LANCL3: variants seen among roughly 807,000 people sequenced by gnomAD.
The protein encoded by LANCL3 is LanC like family member 3.
In LANCL3, 19 loss-of-function variants were observed where a neutral mutation model predicts 26.5. That is an observed-to-expected ratio of 0.72 (90% CI 0.50 to 1.05). LANCL3 has a LOEUF of 1.05. Ranked by LOEUF, LANCL3 falls within the 50% of genes least tolerant of loss-of-function variation. LANCL3 has a pLI of 0.00. For synonymous variants in LANCL3, 160 were observed against 166.6 expected (o/e 0.96, Z 0.30); for missense variants, 318 against 362.7 (o/e 0.88, Z 1.00).
chrX:37,583,296 G>A (rs112301379), intron 1 of LANCL3, among the ~76,000 whole-genome samples: 11,790 of 111,537 alleles, frequency 0.11, 639 homozygotes, highest in African/African-American at 0.2. Flanking sequence ...ACTTGGCAAT[G>A]TGGGCTCTTT....
At chrX:37,640,165 G>A (rs2146765728) in intron 1 of LANCL3, among the ~76,000 whole-genome samples, 1 of 112,171 alleles carries the variant, frequency 8.9e-6, no homozygotes, top group East Asian at 2.8e-4. Flanking sequence ...GTTATATTAG[G>A]CTGTTTTCAC....
rs1419022016 is a variant in LANCL3, at chrX:37,664,635, G to A, written c.896-2647G>A. ...TACATGGGTAAATTGCATGTCACTG[G>A]GGTTTGGCGTACAAAGGATTTTGTC... On this transcript the variant is annotated intron_variant, in intron 3 of 4. Transcript: ENST00000378619. Among the ~76,000 whole-genome samples the A allele has an allele frequency of 2.7e-5, 3 of 111,308 alleles. No homozygotes were observed. The East Asian group carries it at 8.4e-4, about 31-fold the overall frequency.
At chrX:37,618,405 C>T (rs782034811) in intron 1 of LANCL3, among the ~76,000 whole-genome samples, 3 of 111,776 alleles carry the variant, frequency 2.7e-5, no homozygotes, top group African/African-American at 9.8e-5. Context: ...TCACTTCCTG[C>T]CCTTACAACC....
intron 1 of LANCL3, among the ~76,000 whole-genome samples, chrX:37,642,410 G>A (rs980657870): frequency 1.8e-4 from 20 of 111,417 alleles, no homozygotes; most frequent in Non-Finnish European, 2.8e-4. Context: ...TCCTGGTTGT[G>A]GTACAGATGC....
At chrX:37,593,350 T>C (rs1365761082) in intron 1 of LANCL3, among the ~76,000 whole-genome samples, 2 of 111,888 alleles carry the variant, frequency 1.8e-5, no homozygotes, top group Non-Finnish European at 3.8e-5. Flanking sequence ...AATGTGATAC[T>C]ATTATTTTGG....
chrX:37,670,612 G>A (rs12845520), intron 4 of LANCL3, among the ~76,000 whole-genome samples: 6,539 of 110,478 alleles, frequency 0.059, 202 homozygotes, highest in Non-Finnish European at 0.092. Flanking sequence ...TTTATAAACT[G>A]AATTTATATA....
intron 1 of LANCL3, among the ~76,000 whole-genome samples, chrX:37,633,805 C>T (rs192143200): frequency 5.4e-5 from 6 of 111,474 alleles, no homozygotes; most frequent in South Asian, 3.9e-4. Flanking sequence ...GTCTCAGAGG[C>T]GTACCCGGCC....
At chrX:37,572,571 A>G (rs1430328619) in intron 1 of LANCL3, 128 bp downstream of exon 1, 9 of 544,121 alleles carry the variant, frequency 1.7e-5, no homozygotes, top group Non-Finnish European at 2.1e-5. Flanking sequence ...GTGTGGTGCT[A>G]GCATTTCTTC....
intron 1 of LANCL3, among the ~76,000 whole-genome samples, chrX:37,597,736 C>T (rs1321493895): frequency 1.1e-5 from 1 of 88,226 alleles, no homozygotes; most frequent in African/African-American, 4.5e-5. Flanking sequence ...AAGCTGTTCT[C>T]GAACTTCTGG....
intron 1 of LANCL3, among the ~76,000 whole-genome samples, chrX:37,638,062 G>GAGAA (rs1161884999): frequency 9.0e-6 from 1 of 111,511 alleles, no homozygotes; most frequent in South Asian, 3.8e-4. Flanking sequence ...GAGAGAGAGA[G>GAGAA]AGAAAGAAAG....
chrX:37,667,219 G>A (rs1926565466), intron 3 of LANCL3, 63 bp from the exon 4 acceptor site: 1 of 692,920 alleles, frequency 1.4e-6, no homozygotes, highest in Middle Eastern at 3.6e-4. Flanking sequence ...TATTGTTCTG[G>A]AAGTTCTGCT....
At chrX:37,607,370 T>C (rs1924746483) in intron 1 of LANCL3, among the ~76,000 whole-genome samples, 1 of 112,081 alleles carries the variant, frequency 8.9e-6, no homozygotes, top group Admixed American at 9.5e-5. Flanking sequence ...TGTGTCAGGA[T>C]TTCATCCAAT....
intron 1 of LANCL3, among the ~76,000 whole-genome samples, chrX:37,633,561 T>C (rs1316677944): frequency 5.4e-5 from 6 of 111,213 alleles, no homozygotes; most frequent in Non-Finnish European, 1.1e-4. Context: ...TTTGTGGTTT[T>C]ATCTACTTTT....
intron 1 of LANCL3, among the ~76,000 whole-genome samples, chrX:37,585,403 T>G (rs28821202): frequency 2.7e-5 from 3 of 111,420 alleles, no homozygotes; most frequent in Non-Finnish European, 3.8e-5. Context: ...GGGTGTTAAA[T>G]TCTCCCATTA....
intron 1 of LANCL3, among the ~76,000 whole-genome samples, chrX:37,578,331 C>A (rs781969730): frequency 8.9e-6 from 1 of 111,827 alleles, no homozygotes; most frequent in African/African-American, 3.3e-5. Flanking sequence ...GGTACCGACA[C>A]GAAAAAAGGG....
intron 1 of LANCL3, among the ~76,000 whole-genome samples, chrX:37,631,292 G>A (rs1456324826): frequency 9.0e-6 from 1 of 111,435 alleles, no homozygotes; most frequent in African/African-American, 3.3e-5. Context: ...GGGATTGGTG[G>A]TGATATCCCC....
intron 1 of LANCL3, among the ~76,000 whole-genome samples, chrX:37,588,425 G>T (rs1924172209): frequency 9.0e-6 from 1 of 110,870 alleles, no homozygotes; most frequent in Non-Finnish European, 1.9e-5. Flanking sequence ...AAAACAAGTT[G>T]TTTTCATTAT....
chrX:37,619,720 CA>C (rs1483395036), intron 1 of LANCL3, among the ~76,000 whole-genome samples: 1 of 111,822 alleles, frequency 8.9e-6, no homozygotes, highest in Non-Finnish European at 1.9e-5. Flanking sequence ...CCGCAGGTAT[CA>C]GTCTCTCCAC....
chrX:37,609,667 C>A (rs1924812128), intron 1 of LANCL3, among the ~76,000 whole-genome samples: 1 of 109,552 alleles, frequency 9.1e-6, no homozygotes, highest in African/African-American at 3.4e-5. Flanking sequence ...AATTAAGTTT[C>A]CAAGAAAACC....
Sources: gnomAD v4.1 joint callset for allele counts (sites outside exome capture counted in the v4.1 genomes callset) on GRCh38, gnomAD v4.1.1 for gene constraint, MANE v1.5 for transcripts, NCBI Gene and HGNC (gene_info 2026-07-23, HGNC 2026-07-21) for gene names.